The following EXOC5 variants were observed in gnomAD, a reference collection of about 807,000 sequenced individuals.
The protein encoded by EXOC5 is exocyst complex component 5, also known as SEC10-like 1.
EXOC5 carries 17 observed loss-of-function variants against 90.8 expected under a neutral mutation model. That is an observed-to-expected ratio of 0.19 (90% CI 0.13 to 0.28). EXOC5 has a LOEUF of 0.28. Ranked by LOEUF, EXOC5 falls within the 10% of genes least tolerant of loss-of-function variation. The pLI is 1.00. For missense variants in EXOC5, 569 were observed against 830.6 expected, an observed-to-expected ratio of 0.69 and a Z score of 3.87; for synonymous variants, 260 against 270.0, an observed-to-expected ratio of 0.96 and a Z score of 0.36.
intron 1 of EXOC5, among the ~76,000 whole-genome samples, chr14:57,264,720 A>T (rs984293958): frequency 9.2e-5 from 14 of 152,158 alleles, no homozygotes; most frequent in Admixed American, 6.5e-4. Flanking sequence ...CCACAAACTC[A>T]AATCTAATTT....
chr14:57,266,840 G>A (rs1377184254), intron 1 of EXOC5, among the ~76,000 whole-genome samples: 3 of 150,930 alleles, frequency 2.0e-5, no homozygotes, highest in Admixed American at 2.0e-4. Flanking sequence ...TCCCCGCTAG[G>A]GAGAGGGGAA....
chr14:57,258,635 G>T (rs1423326550), intron 1 of EXOC5, among the ~76,000 whole-genome samples: 1 of 152,166 alleles, frequency 6.6e-6, no homozygotes, highest in Non-Finnish European at 1.5e-5. Context: ...ACCATGGCAT[G>T]TGTATACCTA....
At chr14:57,256,583 T>C (rs541895374) in intron 1 of EXOC5, among the ~76,000 whole-genome samples, 1 of 152,288 alleles carries the variant, frequency 6.6e-6, no homozygotes, top group African/African-American at 2.4e-5. Flanking sequence ...AGTCTAATAG[T>C]GGAACAAGGG....
Position 57,201,484 on chromosome 14 carries a change from A to G in EXOC5, c.*7125T>C. 8.2e-6 allele frequency: 1 copy of G among 122,084 alleles called. No homozygotes were observed. The highest frequency in any genetic ancestry group is 2.1e-4 in the East Asian group (1 of 4,850). 7.6% of individuals were successfully genotyped at this position (122,084 alleles called of 1,614,324 possible). A position where few individuals can be genotyped will look rare whatever the true frequency, so the allele number is the denominator to read the frequency against. On this transcript the variant is annotated 3_prime_UTR_variant, in exon 18 of 18. Transcript: ENST00000621441. ...CGCGTGTATATGTACACACACGTGT[A>G]TAAACACACGTGTATATACACACAC... is the stretch of plus-strand genomic sequence containing the variant.
Position 57,201,450 on chromosome 14 carries a change from AT to A in EXOC5, c.*7158del, listed in dbSNP as rs1249241326. 8.9e-5 allele frequency: 13 copies of A among 145,948 alleles called. No individual in the cohort carries two copies. The highest frequency in any genetic ancestry group is 1.9e-4 in the African/African-American group (7 of 37,196). 9.0% of individuals were successfully genotyped at this position (145,948 alleles called of 1,614,324 possible). A position where few individuals can be genotyped will look rare whatever the true frequency, so the allele number is the denominator to read the frequency against. ...TATATACACACACACACGTGTGTAT[AT>A]ATACACACGCGTGTATATGTACACA... is the stretch of plus-strand genomic sequence containing the variant. On this transcript the variant is annotated 3_prime_UTR_variant, in exon 18 of 18. Coordinates refer to ENST00000621441, the MANE Select transcript of EXOC5 (RefSeq NM_006544.4).
chr14:57,246,058 AAGG>A (rs1232425138), intron 3 of EXOC5, among the ~76,000 whole-genome samples: 1 of 151,944 alleles, frequency 6.6e-6, no homozygotes, highest in Admixed American at 6.6e-5. Flanking sequence ...TTAAAAAAAA[AAGG>A]GGGGAATCAA....
At chr14:57,254,172 C>T (rs1204878724) in intron 1 of EXOC5, among the ~76,000 whole-genome samples, 1 of 152,160 alleles carries the variant, frequency 6.6e-6, no homozygotes, top group Non-Finnish European at 1.5e-5. Context: ...CAGTGGCTCA[C>T]ACCTGTAATC....
intron 11 of EXOC5, among the ~76,000 whole-genome samples, chr14:57,231,244 G>A (rs79066091): frequency 1.3e-5 from 2 of 151,996 alleles, no homozygotes; most frequent in African/African-American, 4.8e-5. Flanking sequence ...CCAGACCTCA[G>A]GTGATCAGCC....
chr14:57,210,419 A>C (rs1428550196), intron 15 of EXOC5, among the ~76,000 whole-genome samples: 1 of 152,150 alleles, frequency 6.6e-6, no homozygotes, highest in East Asian at 1.9e-4. Context: ...TGGGACCAGA[A>C]GTGTTTTGGA....
Position 57,238,349 on chromosome 14 carries a change from C to CATAT in EXOC5, c.531-987_531-984dup, listed in dbSNP as rs146486005. The stretch of plus-strand genomic sequence containing the variant: ...GAGTTGAATATATATCCTAATTAGA[C>CATAT]ATATATATATATATATATATATATA... On this transcript the variant is annotated intron_variant, in intron 5 of 17. Coordinates refer to ENST00000621441, the MANE Select transcript of EXOC5 (RefSeq NM_006544.4). Among the ~76,000 whole-genome samples the CATAT allele has an allele frequency of 6.4e-3, 570 of 89,090 alleles. 10 individuals carry two copies. The highest frequency in any genetic ancestry group is 0.016 in the East Asian group (47 of 2,944). The allele number at this position is 89,090 out of a possible 152,430, so 58.4% of individuals were successfully genotyped here.
At chr14:57,248,940 T>C (rs745659938) in intron 1 of EXOC5, among the ~76,000 whole-genome samples, 12 of 152,112 alleles carry the variant, frequency 7.9e-5, no homozygotes, top group Non-Finnish European at 1.6e-4. Context: ...AATCTAAAGA[T>C]TTTTAACGTC....
Position 57,208,309 on chromosome 14 carries a change from G to C in EXOC5, c.*300C>G. The C allele has an allele frequency of 4.2e-6, 1 of 237,692 alleles. No individual in the cohort carries two copies. Among genetic ancestry groups the C allele is most frequent in the Non-Finnish European group, 8.1e-6 (1 of 123,858 alleles). 14.7% of individuals were successfully genotyped at this position (237,692 alleles called of 1,614,324 possible). A position where few individuals can be genotyped will look rare whatever the true frequency, so the allele number is the denominator to read the frequency against. ...GTAACATTTCCTTTGCCTTCTGACA[G>C]CAACATTTTCTAGGATAAAAACAGT... On this transcript the variant is annotated 3_prime_UTR_variant, in exon 18 of 18. Transcript: ENST00000621441.
At chr14:57,241,975 T>C (rs1165807982) in intron 4 of EXOC5, among the ~76,000 whole-genome samples, 3 of 151,272 alleles carry the variant, frequency 2.0e-5, no homozygotes, top group Non-Finnish European at 4.4e-5. Context: ...CTACTAAAAA[T>C]ACAAAAAATT....
intron 1 of EXOC5, among the ~76,000 whole-genome samples, chr14:57,264,345 C>A (rs930091223): frequency 1.3e-5 from 2 of 152,176 alleles, no homozygotes; most frequent in Non-Finnish European, 2.9e-5. Context: ...CTCTGTTTAA[C>A]TAGCTTTTGT....
At chr14:57,252,207 G>A (rs1018879609) in intron 1 of EXOC5, among the ~76,000 whole-genome samples, 1 of 152,152 alleles carries the variant, frequency 6.6e-6, no homozygotes, top group African/African-American at 2.4e-5. Flanking sequence ...TTCACTGTAT[G>A]AGGCCAGCAT....
intron 12 of EXOC5, among the ~76,000 whole-genome samples, chr14:57,226,018 A>G (rs934975847): frequency 2.0e-5 from 3 of 152,200 alleles, no homozygotes; most frequent in African/African-American, 7.2e-5. Flanking sequence ...GGCTCGGTGA[A>G]TCTACATTTT....
chr14:57,220,203 C>T (rs575486206), intron 13 of EXOC5, among the ~76,000 whole-genome samples: 60 of 151,072 alleles, frequency 4.0e-4, no homozygotes, highest in African/African-American at 1.3e-3. Context: ...TGTTTCCCTC[C>T]GCCCCCCCTG....
intron 1 of EXOC5, among the ~76,000 whole-genome samples, chr14:57,252,311 T>C (rs1435994322): frequency 6.6e-6 from 1 of 152,116 alleles, no homozygotes; most frequent in African/African-American, 2.4e-5. Context: ...CTCAACGAAG[T>C]ATCAGCAAGC....
chr14:57,234,510 CGTGTGT>C (rs375548706), intron 7 of EXOC5, among the ~76,000 whole-genome samples: 47 of 130,614 alleles, frequency 3.6e-4, no homozygotes, highest in South Asian at 7.5e-4. Flanking sequence ...TGTATATATA[CGTGTGT>C]GTGTGTGTGT....
Sources: gnomAD v4.1 joint callset for allele counts (sites outside exome capture counted in the v4.1 genomes callset) on GRCh38, gnomAD v4.1.1 for gene constraint, MANE v1.5 for transcripts, NCBI Gene and HGNC (gene_info 2026-07-23, HGNC 2026-07-21) for gene names.